Variants in RABGAP1L observed in about 807,000 individuals in gnomAD.
The protein encoded by RABGAP1L is RAB GTPase activating protein 1 like, also known as rab GTPase-activating protein 1-like.
RABGAP1L carries 63 observed loss-of-function variants against 137.7 expected under a neutral mutation model. The observed-to-expected ratio is 0.46, with a 90% CI of 0.37 to 0.56. RABGAP1L has a LOEUF of 0.56. RABGAP1L is among the 20% of genes least tolerant of loss of function. RABGAP1L has a pLI of 0.00. For missense variants in RABGAP1L, 1,095 were observed against 1,244.0 expected, an observed-to-expected ratio of 0.88 and a Z score of 1.80; for synonymous variants, 431 against 433.7, an observed-to-expected ratio of 0.99 and a Z score of 0.08.
At chr1:174,226,438 A>G (rs974439348) in intron 3 of RABGAP1L, among the ~76,000 whole-genome samples, 61 of 152,198 alleles carry the variant, frequency 4.0e-4, no homozygotes, top group African/African-American at 1.3e-3. Context: ...TGCTTTTTAT[A>G]TTCTGTCGAA....
chr1:174,386,717 C>T (rs967749774), intron 12 of RABGAP1L, among the ~76,000 whole-genome samples: 8 of 152,014 alleles, frequency 5.3e-5, no homozygotes, highest in Middle Eastern at 3.4e-3. Context: ...CCATGTTGGC[C>T]GGGCTGGTCT....
At position 174,699,601 on chromosome 1, in the gene RABGAP1L, A is replaced by G. The variant is rs750892098; in HGVS notation, c.1976A>G (p.Asn659Ser). 12 of 1,609,434 alleles carry G rather than the reference A, an allele frequency of 7.5e-6. No homozygotes were observed. The highest frequency in any genetic ancestry group is 2.7e-5 in the African/African-American group (2 of 74,830). The change falls in exon 16 of 26, where the codon AAC (asparagine) becomes AGC (serine). Residue 659 changes from asparagine to serine, a missense_variant. Asn to Ser is a conservative substitution (Grantham distance 46). This residue lies in a region of RABGAP1L where 315 missense variants were observed against 324.8 expected (regional missense o/e 0.97). Transcript: ENST00000681986. ...DYGLRDLYRNNFEDLHCKFYQ... is the reference protein window; with the variant it reads ...DYGLRDLYRNSFEDLHCKFYQ... ...GGTTTGAGAGACCTCTACAGAAACAACTTCGAAGATCTTCATTGCAAATTC... is the reference window on the plus strand; with the variant it reads ...GGTTTGAGAGACCTCTACAGAAACAGCTTCGAAGATCTTCATTGCAAATTC...
At chr1:174,754,776 A>G (rs572178200) in intron 18 of RABGAP1L, among the ~76,000 whole-genome samples, 2 of 152,292 alleles carry the variant, frequency 1.3e-5, no homozygotes, top group South Asian at 4.1e-4. Context: ...CACTGGGATT[A>G]TAGGTGTGAG....
chr1:174,608,483 G>A (rs1424231565), intron 13 of RABGAP1L, among the ~76,000 whole-genome samples: 3 of 152,088 alleles, frequency 2.0e-5, no homozygotes, highest in Non-Finnish European at 2.9e-5. Flanking sequence ...GGAAAAAGGT[G>A]TTTTTACCTG....
intron 5 of RABGAP1L, among the ~76,000 whole-genome samples, chr1:174,246,861 A>G (rs1409172891): frequency 2.0e-5 from 3 of 152,194 alleles, no homozygotes; most frequent in South Asian, 2.1e-4. Context: ...TAATTCTTGG[A>G]TTACTGTTTC....
chr1:174,935,417 A>G (rs998643430), intron 19 of RABGAP1L: 1 of 152,226 alleles, frequency 6.6e-6, no homozygotes, highest in Non-Finnish European at 1.5e-5. Flanking sequence ...AGCCTAGGAG[A>G]TGAAGTTTCA....
Position 174,303,593 on chromosome 1 carries a change from T to C in RABGAP1L, c.1324-1393T>C, listed in dbSNP as rs554237971. Among the ~76,000 whole-genome samples, 542 of 152,244 alleles carry C rather than the reference T, an allele frequency of 3.6e-3. 4 individuals are homozygous for C. The highest frequency in any genetic ancestry group is 5.8e-3 in the Non-Finnish European group (395 of 67,968). The stretch of plus-strand genomic sequence containing the variant: ...ATGAATGCTAATATGAACCAGGCAA[T>C]TTTCTTTACAAATACAGATTGATTT... On this transcript the variant is annotated intron_variant, in intron 10 of 25. Transcript: ENST00000681986.
chr1:174,547,382 C>A (rs545714660), intron 13 of RABGAP1L, among the ~76,000 whole-genome samples: 3 of 152,062 alleles, frequency 2.0e-5, no homozygotes, highest in South Asian at 2.1e-4. Context: ...TTTGGAAGGC[C>A]GAGGCAGGAG....
chr1:174,679,729 C>T (rs545336299), intron 14 of RABGAP1L, among the ~76,000 whole-genome samples: 27 of 152,154 alleles, frequency 1.8e-4, no homozygotes, highest in Non-Finnish European at 2.9e-4. Context: ...GACTGTTAGA[C>T]TCTATATTGT....
At chr1:174,837,465 T>C (rs1692888673) in intron 19 of RABGAP1L, among the ~76,000 whole-genome samples, 1 of 152,172 alleles carries the variant, frequency 6.6e-6, no homozygotes, top group African/African-American at 2.4e-5. Flanking sequence ...TTGGTAGAGT[T>C]TATAGTTTTG....
chr1:174,878,234 A>G (rs1158765575), intron 19 of RABGAP1L, among the ~76,000 whole-genome samples: 2 of 152,022 alleles, frequency 1.3e-5, no homozygotes, highest in Non-Finnish European at 2.9e-5. Flanking sequence ...TCTGAAACCA[A>G]CTTTTTTTTG....
At position 174,202,147 on chromosome 1, in the gene RABGAP1L, A is replaced by G. The variant is rs1297350688; in HGVS notation, c.-33-16978A>G. On this transcript the variant is annotated intron_variant, in intron 1 of 25. Transcript: ENST00000681986. ...TGTCTTTATAGCAGCATGATTTATA[A>G]TCCTTTGGGTATATACCCAGTAATG... is the stretch of plus-strand genomic sequence containing the variant. Among the ~76,000 whole-genome samples the G allele has an allele frequency of 3.3e-5, 5 of 151,866 alleles. No individual in the cohort carries two copies. In the East Asian group the frequency reaches 5.8e-4, roughly 18 times the overall value.
chr1:174,650,682 C>A (rs1246975271), intron 14 of RABGAP1L, among the ~76,000 whole-genome samples: 1 of 150,974 alleles, frequency 6.6e-6, no homozygotes, highest in African/African-American at 2.4e-5. Context: ...GTGGTGATAT[C>A]CCCTTTATCA....
chr1:174,800,110 A>G, intron 18 of RABGAP1L: 2 of 1,348,674 alleles, frequency 1.5e-6, no homozygotes, highest in Non-Finnish European at 1.9e-6. Flanking sequence ...TATTTAGATC[A>G]GTACTTGATT....
At position 174,859,175 on chromosome 1, in the gene RABGAP1L, G is replaced by A. The variant is rs545895706; in HGVS notation, c.2340+47215G>A. ...GGAATCAACTTAAATGCCCATCAGT[G>A]ATAGACTGTTTAAAGAAAATGTGAG... On this transcript the variant is annotated intron_variant, in intron 19 of 25. Coordinates refer to ENST00000681986, the MANE Select transcript of RABGAP1L (RefSeq NM_001366446.1). Among the ~76,000 whole-genome samples the A allele has an allele frequency of 2.0e-5, 3 of 152,294 alleles. No individual in the cohort carries two copies. The South Asian group carries it at 6.2e-4, about 32-fold the overall frequency.
rs12064144 is a variant in RABGAP1L at position 174,548,121 on chromosome 1, G to T, written c.1711-89254G>T. The T allele has an allele frequency of 2.3e-5, 35 of 1,522,376 alleles. 1 individual carries two copies. The South Asian group carries it at 3.9e-4, about 17-fold the overall frequency. 94.3% of individuals were successfully genotyped at this position (1,522,376 alleles called of 1,614,324 possible). On this transcript the variant is annotated intron_variant, in intron 13 of 25. Coordinates refer to ENST00000681986, the MANE Select transcript of RABGAP1L (RefSeq NM_001366446.1). Reference sequence around the variant, plus strand: ...TTGCATGGGAGGTTGCAGTTTAGAAGCAACTTTATGGATCATTTCCCAGGT... The same window carrying T: ...TTGCATGGGAGGTTGCAGTTTAGAATCAACTTTATGGATCATTTCCCAGGT...
At chr1:174,586,101 A>G (rs962888407) in intron 13 of RABGAP1L, among the ~76,000 whole-genome samples, 1 of 152,206 alleles carries the variant, frequency 6.6e-6, no homozygotes, top group Non-Finnish European at 1.5e-5. Context: ...ACTATTCACA[A>G]TAACAAAGAC....
At chr1:174,983,195 C>A (rs2149389415) in intron 24 of RABGAP1L, among the ~76,000 whole-genome samples, 1 of 152,200 alleles carries the variant, frequency 6.6e-6, no homozygotes, top group South Asian at 2.1e-4. Flanking sequence ...TGGTATGAAC[C>A]TGAGAACCCT....
intron 10 of RABGAP1L, among the ~76,000 whole-genome samples, chr1:174,302,022 T>C (rs1353336066): frequency 6.6e-6 from 1 of 152,180 alleles, no homozygotes; most frequent in African/African-American, 2.4e-5. Context: ...TTTGTCTGCC[T>C]CCTGCCACTG....
Sources: allele counts gnomAD v4.1 joint callset (sites outside exome capture counted in the v4.1 genomes callset), GRCh38; gene constraint gnomAD v4.1.1; regional missense constraint gnomAD v4.1.1; transcripts MANE v1.5; gene names NCBI Gene and HGNC (gene_info 2026-07-23, HGNC 2026-07-21).